ADK: variants seen among roughly 807,000 people sequenced by gnomAD.
ADK encodes the protein adenosine kinase, also known as N6,N6-dimethyladenosine kinase.
In ADK, 24 loss-of-function variants were observed where a neutral mutation model predicts 44.7. The observed-to-expected ratio is 0.54, with a 90% CI of 0.39 to 0.76. The LOEUF is 0.76. ADK is among the 30% of genes least tolerant of loss of function. The probability of loss-of-function intolerance (pLI) is 0.00; values close to 1 mark genes in which losing one functional copy is unlikely to be tolerated. For synonymous variants in ADK, 128 were observed against 142.6 expected (o/e 0.90, Z 0.73); for missense variants, 321 against 425.1 (o/e 0.76, Z 2.15).
At chr10:74,372,049 G>GT in intron 4 of ADK, 2 of 761,646 alleles carry the variant, frequency 2.6e-6, no homozygotes, top group Non-Finnish European at 4.8e-6. Flanking sequence ...CACTCAATGG[G>GT]TTTGATGTGG....
intron 6 of ADK, among the ~76,000 whole-genome samples, chr10:74,499,240 T>G (rs1847803983): frequency 1.3e-5 from 2 of 152,158 alleles, no homozygotes; most frequent in Admixed American, 1.3e-4. Flanking sequence ...TTTTTTATAT[T>G]GAAGCCTTAA....
chr10:74,676,805 T>C (rs1564847625), intron 10 of ADK, among the ~76,000 whole-genome samples: 1 of 152,156 alleles, frequency 6.6e-6, no homozygotes, highest in Non-Finnish European at 1.5e-5. Flanking sequence ...TACTCTTTAT[T>C]TTAAAAATCC....
chr10:74,620,921 A>T (rs1237300224), intron 9 of ADK, among the ~76,000 whole-genome samples: 1 of 151,136 alleles, frequency 6.6e-6, no homozygotes, highest in Admixed American at 6.6e-5. Flanking sequence ...TTGTTTTTTT[A>T]CTGTTGAGAT....
At chr10:74,222,205 T>C (rs1449767212) in intron 2 of ADK, among the ~76,000 whole-genome samples, 1 of 152,044 alleles carries the variant, frequency 6.6e-6, no homozygotes, top group Non-Finnish European at 1.5e-5. Context: ...GTGAAGGACA[T>C]GAACAGACAC....
intron 4 of ADK, among the ~76,000 whole-genome samples, chr10:74,315,617 C>T (rs907005406): frequency 2.6e-5 from 4 of 152,040 alleles, no homozygotes; most frequent in African/African-American, 7.2e-5. Context: ...TCTGCCTACA[C>T]TAGATTTCTT....
intron 2 of ADK, among the ~76,000 whole-genome samples, chr10:74,210,159 A>C (rs10128407): frequency 2.0e-5 from 3 of 151,608 alleles, no homozygotes; most frequent in Non-Finnish European, 4.4e-5. Context: ...GTGAAACCCC[A>C]TCTCTATTGA....
intron 6 of ADK, among the ~76,000 whole-genome samples, chr10:74,427,595 A>G (rs1844843370): frequency 6.6e-6 from 1 of 152,166 alleles, no homozygotes; most frequent in Admixed American, 6.5e-5. Flanking sequence ...GGACAAACAT[A>G]TAGACAGGAG....
At chr10:74,259,141 C>T (rs941510570) in intron 3 of ADK, among the ~76,000 whole-genome samples, 6 of 151,522 alleles carry the variant, frequency 4.0e-5, no homozygotes, top group Admixed American at 1.3e-4. Context: ...GAAGAGGTTT[C>T]GCCATGTTGG....
At chr10:74,699,914 G>A (rs1365166545) in intron 10 of ADK, among the ~76,000 whole-genome samples, 1 of 152,060 alleles carries the variant, frequency 6.6e-6, no homozygotes, top group East Asian at 1.9e-4. Context: ...GGGGAAATGG[G>A]CACTCTTACA....
At chr10:74,200,430 G>A (rs894520100) in intron 1 of ADK, among the ~76,000 whole-genome samples, 2 of 150,056 alleles carry the variant, frequency 1.3e-5, no homozygotes, top group Non-Finnish European at 2.9e-5. Flanking sequence ...GTTGCAGTGA[G>A]CTGAGATTGC....
intron 3 of ADK, among the ~76,000 whole-genome samples, chr10:74,265,494 A>G (rs926521538): frequency 2.6e-5 from 4 of 152,222 alleles, no homozygotes; most frequent in African/African-American, 7.2e-5. Flanking sequence ...CTGAGATTAC[A>G]GGCGTGAGCC....
At chr10:74,595,487 C>T (rs924992259) in intron 8 of ADK, among the ~76,000 whole-genome samples, 1 of 139,196 alleles carries the variant, frequency 7.2e-6, no homozygotes, top group African/African-American at 2.6e-5. Flanking sequence ...CTCCATTCTC[C>T]TGCCTCAGCC....
At chr10:74,346,867 T>C (rs1841784056) in intron 4 of ADK, among the ~76,000 whole-genome samples, 1 of 151,868 alleles carries the variant, frequency 6.6e-6, no homozygotes, top group Non-Finnish European at 1.5e-5. Context: ...CAGCAGTGCT[T>C]TGGGAGGCTG....
chr10:74,208,061 T>A (rs1843667428), intron 2 of ADK, among the ~76,000 whole-genome samples: 1 of 152,174 alleles, frequency 6.6e-6, no homozygotes, highest in Non-Finnish European at 1.5e-5. Context: ...ACCTGCTGGG[T>A]TGTGACAGTG....
chr10:74,384,589 G>A (rs1843080249), intron 4 of ADK, among the ~76,000 whole-genome samples: 1 of 152,096 alleles, frequency 6.6e-6, no homozygotes, highest in African/African-American at 2.4e-5. Flanking sequence ...AGAATTGCTC[G>A]AACCTGGAAG....
chr10:74,367,076 T>C (rs1472303815), intron 4 of ADK, among the ~76,000 whole-genome samples: 1 of 152,236 alleles, frequency 6.6e-6, no homozygotes, highest in African/African-American at 2.4e-5. Context: ...GATTCTTTAG[T>C]ACTCCATAAG....
At chr10:74,217,686 C>T (rs1359822140) in intron 2 of ADK, among the ~76,000 whole-genome samples, 3 of 152,186 alleles carry the variant, frequency 2.0e-5, no homozygotes, top group Admixed American at 6.5e-5. Flanking sequence ...TCCAGAGGAA[C>T]GATCAGACAG....
At chr10:74,315,611 C>T (rs1592035171) in intron 4 of ADK, among the ~76,000 whole-genome samples, 1 of 21,144 alleles carries the variant, frequency 4.7e-5, no homozygotes, top group Non-Finnish European at 2.3e-4. Context: ...GTCAGTTCTG[C>T]CTACACTAGA....
chr10:74,419,054 A>G (rs561880113), intron 6 of ADK, among the ~76,000 whole-genome samples: 24 of 152,296 alleles, frequency 1.6e-4, no homozygotes, highest in Admixed American at 3.3e-4. Flanking sequence ...ACCTCCATCA[A>G]AATAATATAA....
Sources: gnomAD v4.1 joint callset for allele counts (sites outside exome capture counted in the v4.1 genomes callset) on GRCh38, gnomAD v4.1.1 for gene constraint, MANE v1.5 for transcripts, NCBI Gene and HGNC (gene_info 2026-07-23, HGNC 2026-07-21) for gene names.